The following ABHD12B variants were observed in gnomAD, a reference collection of about 807,000 sequenced individuals.
ABHD12B encodes abhydrolase domain containing 12B.
A neutral mutation model predicts 50.4 loss-of-function variants in ABHD12B; 42 were observed. The ratio of observed to expected loss-of-function variants is 0.83; its 90% CI spans 0.65 to 1.08. ABHD12B has a LOEUF of 1.08. Ranked by LOEUF, ABHD12B falls within the 50% of genes least tolerant of loss-of-function variation. ABHD12B has a pLI of 0.00. For missense variants in ABHD12B, 479 were observed against 447.7 expected, an observed-to-expected ratio of 1.07 and a Z score of -0.63; for synonymous variants, 167 against 160.3, an observed-to-expected ratio of 1.04 and a Z score of -0.32.
Position 50,872,066 on chromosome 14 carries a change from G to C in ABHD12B, c.-109G>C. 2.5e-6 allele frequency: 2 copies of C among 799,642 alleles called. No homozygotes were observed. The highest frequency in any genetic ancestry group is 3.3e-6 in the Non-Finnish European group (2 of 607,358). The allele number at this position is 799,642 out of a possible 1,614,324, so 49.5% of individuals were successfully genotyped here. ...CCCCGCCGTACCAGCCTGCCTGACC[G>C]CGCGGAGGAGGAGGGCGGGCGCGGT... is the stretch of plus-strand genomic sequence containing the variant. On this transcript the variant is annotated 5_prime_UTR_variant, in exon 1 of 13. Coordinates refer to ENST00000337334, the MANE Select transcript of ABHD12B (RefSeq NM_001206673.2).
intron 1 of ABHD12B, among the ~76,000 whole-genome samples, chr14:50,876,742 C>G (rs2049869168): frequency 6.6e-6 from 1 of 152,138 alleles, no homozygotes; most frequent in South Asian, 2.1e-4. Flanking sequence ...ATTTGCAAAG[C>G]AAAGGTAATA....
chr14:50,899,698 C>G (rs570244023), intron 9 of ABHD12B, among the ~76,000 whole-genome samples: 1 of 151,646 alleles, frequency 6.6e-6, no homozygotes, highest in Admixed American at 6.6e-5. Flanking sequence ...CTGAGGCAGG[C>G]GGATCATTTG....
chr14:50,903,370 T>C lies in ABHD12B; in HGVS notation c.864-19T>C, dbSNP rs1258816674. The stretch of plus-strand genomic sequence containing the variant: ...TGTATCATTCTTTAACTGAATGCTT[T>C]TCTTCTACTTGTCCCTAGTGTTAAA... On this transcript the variant is annotated intron_variant, in intron 10 of 12. Coordinates refer to ENST00000337334, the MANE Select transcript of ABHD12B (RefSeq NM_001206673.2). The C allele has an allele frequency of 6.3e-7, 1 of 1,588,394 alleles. No individual in the cohort carries two copies. Among genetic ancestry groups the C allele is most frequent in the Non-Finnish European group, 8.6e-7 (1 of 1,158,314 alleles).
At chr14:50,886,274 C>T (rs537853697) in intron 7 of ABHD12B, among the ~76,000 whole-genome samples, 1 of 151,944 alleles carries the variant, frequency 6.6e-6, no homozygotes, top group African/African-American at 2.4e-5. Context: ...CCCATCTTTA[C>T]TAAAAATACC....
chr14:50,889,354 C>T (rs2050086168), intron 9 of ABHD12B, among the ~76,000 whole-genome samples: 1 of 151,982 alleles, frequency 6.6e-6, no homozygotes. Context: ...AAAATAAGTA[C>T]AAAGGCCGGG....
intron 4 of ABHD12B, among the ~76,000 whole-genome samples, chr14:50,881,025 C>T (rs1223891780): frequency 6.6e-6 from 1 of 152,180 alleles, no homozygotes; most frequent in Non-Finnish European, 1.5e-5. Flanking sequence ...AGAGAGGTCA[C>T]ACGGAATTCT....
intron 9 of ABHD12B, among the ~76,000 whole-genome samples, chr14:50,889,809 A>G (rs142880976): frequency 6.6e-6 from 1 of 152,344 alleles, no homozygotes; most frequent in African/African-American, 2.4e-5. Flanking sequence ...TTTAATAATT[A>G]TTCTACATTG....
At chr14:50,873,269 C>T (rs923829779) in intron 1 of ABHD12B, among the ~76,000 whole-genome samples, 1 of 151,798 alleles carries the variant, frequency 6.6e-6, no homozygotes, top group Non-Finnish European at 1.5e-5. Flanking sequence ...GTTGCCCAGG[C>T]TGGAGTGCAG....
chr14:50,886,000 G>A, intron 7 of ABHD12B, 105 bp downstream of exon 7: 1 of 1,497,550 alleles, frequency 6.7e-7, no homozygotes, highest in Middle Eastern at 2.4e-4. Context: ...AGAAGACAGG[G>A]ACTCTTTGCT....
chr14:50,888,208 C>CTA (rs1555324258), intron 8 of ABHD12B, among the ~76,000 whole-genome samples: 4 of 142,240 alleles, frequency 2.8e-5, no homozygotes, highest in Non-Finnish European at 6.1e-5. Context: ...TGCTTTCTTT[C>CTA]TTTTTTTTTT....
intron 9 of ABHD12B, chr14:50,892,953 T>C (rs538281517): frequency 1.3e-5 from 2 of 152,330 alleles, no homozygotes; most frequent in Admixed American, 1.3e-4. Context: ...TTATGATTTT[T>C]ATTGATTTTT....
chr14:50,877,684 T>A (rs1267615395), intron 1 of ABHD12B, among the ~76,000 whole-genome samples: 2 of 152,132 alleles, frequency 1.3e-5, no homozygotes, highest in Non-Finnish European at 2.9e-5. Context: ...CTGGCCAACA[T>A]GGTGAAACCC....
chr14:50,886,440 CAA>C (rs534954967), intron 7 of ABHD12B, among the ~76,000 whole-genome samples: 27 of 62,964 alleles, frequency 4.3e-4, no homozygotes, highest in Non-Finnish European at 4.9e-4. Flanking sequence ...GCTCTGTCTC[CAA>C]AAAAAAAAAA....
intron 9 of ABHD12B, among the ~76,000 whole-genome samples, chr14:50,889,441 C>T (rs937093006): frequency 2.6e-5 from 4 of 152,132 alleles, no homozygotes; most frequent in Non-Finnish European, 5.9e-5. Flanking sequence ...AGATCGAGAC[C>T]ATCCTGGCCA....
intron 3 of ABHD12B, 128 bp from the exon 4 acceptor site, chr14:50,880,324 C>T: frequency 1.0e-6 from 1 of 994,250 alleles, no homozygotes; most frequent in Non-Finnish European, 1.3e-6. Context: ...TTTATTTTTG[C>T]CATGTGCATA....
chr14:50,891,414 TC>T (rs1317992509), intron 9 of ABHD12B: 1 of 152,218 alleles, frequency 6.6e-6, no homozygotes, highest in Non-Finnish European at 1.5e-5. Flanking sequence ...GGCTAATTTT[TC>T]TGTGTTTTTA....
At chr14:50,881,494 C>T (rs12588155) in intron 4 of ABHD12B, 102 bp from the exon 5 acceptor site, 23,054 of 1,223,294 alleles carry the variant, frequency 0.019, 1,555 homozygotes, top group Admixed American at 0.15. Context: ...AAGAGAAAGG[C>T]GTGAGATCAG....
In ABHD12B at chr14:50,901,911, A is replaced by G. The variant is rs2050264620; in HGVS notation, c.863A>G (p.Asn288Ser). 3 of 1,580,984 alleles carry G rather than the reference A, an allele frequency of 1.9e-6. No individual in the cohort carries two copies. Among genetic ancestry groups the G allele is most frequent in the African/African-American group, 1.4e-5 (1 of 73,802 alleles). Residue 288 changes from asparagine to serine, a missense_variant and splice_region_variant, in exon 10 of 13, where the codon AAT becomes AGT. Coordinates refer to ENST00000337334, the MANE Select transcript of ABHD12B (RefSeq NM_001206673.2). ...AAAATAATCTTTCCTAATGATGAAA[A>G]GTAAGTTAATGATGAAAAGACATGC... ...KDKIIFPNDENVKFLSSPLLI... is the reference protein window; with the variant it reads ...KDKIIFPNDESVKFLSSPLLI...
chr14:50,883,039 G>C (rs546441656), intron 5 of ABHD12B, among the ~76,000 whole-genome samples: 1 of 150,832 alleles, frequency 6.6e-6, no homozygotes, highest in African/African-American at 2.4e-5. Flanking sequence ...AGAGTAGCAT[G>C]GTGGCCACAC....
Sources: allele counts gnomAD v4.1 joint callset (sites outside exome capture counted in the v4.1 genomes callset), GRCh38; gene constraint gnomAD v4.1.1; transcripts MANE v1.5; gene names NCBI Gene and HGNC (gene_info 2026-07-23, HGNC 2026-07-21).